The following TTC28 variants were observed in gnomAD, a reference collection of about 807,000 sequenced individuals.
TTC28 encodes tetratricopeptide repeat protein 28.
In TTC28, 61 loss-of-function variants were observed where a neutral mutation model predicts 198.0. The ratio of observed to expected loss-of-function variants is 0.31; its 90% CI spans 0.25 to 0.38. The LOEUF is 0.38. TTC28 is among the 10% of genes least tolerant of loss of function. The pLI is 1.00. For missense variants in TTC28, 2,678 were observed against 3,164.0 expected (o/e 0.85, Z 3.69); for synonymous variants, 1,171 against 1,297.8 (o/e 0.90, Z 2.10).
Position 27,981,229 on chromosome 22 carries a change from A to ATTT in TTC28, c.*991_*992insAAA, listed in dbSNP as rs1937001603. The stretch of plus-strand genomic sequence containing the variant: ...CTGGTTAAATCTAGTTAGCCATGGA[A>ATTT]ATTTTTTTTTTTTTTTTTTTTTTTT... On this transcript the variant is annotated 3_prime_UTR_variant, in exon 23 of 23. Transcript: ENST00000397906. The ATTT allele has an allele frequency of 6.5e-4, 47 of 72,730 alleles. 3 individuals carry two copies. The highest frequency in any genetic ancestry group is 1.5e-3 in the African/African-American group (31 of 20,464). 4.5% of individuals were successfully genotyped at this position (72,730 alleles called of 1,614,324 possible). A position where few individuals can be genotyped will look rare whatever the true frequency, so the allele number is the denominator to read the frequency against.
At chr22:28,477,469 G>T (rs1479930772) in intron 2 of TTC28, among the ~76,000 whole-genome samples, 1 of 152,030 alleles carries the variant, frequency 6.6e-6, no homozygotes, top group Admixed American at 6.5e-5. Context: ...CTCAATGTTT[G>T]TTAGAAATGT....
chr22:28,304,202 G>T (rs775100797), intron 3 of TTC28, among the ~76,000 whole-genome samples: 203 of 151,936 alleles, frequency 1.3e-3, no homozygotes, highest in Middle Eastern at 3.4e-3. Flanking sequence ...GGAGAATGGC[G>T]TGAACCCGGG....
intron 2 of TTC28, among the ~76,000 whole-genome samples, chr22:28,481,912 GCT>G (rs1274963924): frequency 2.0e-5 from 3 of 152,278 alleles, no homozygotes; most frequent in Non-Finnish European, 4.4e-5. Flanking sequence ...GGTAAAATGA[GCT>G]CTGTCATACA....
At chr22:28,386,847 G>A (rs1408743557) in intron 2 of TTC28, among the ~76,000 whole-genome samples, 1 of 151,146 alleles carries the variant, frequency 6.6e-6, no homozygotes, top group Non-Finnish European at 1.5e-5. Flanking sequence ...TTTGTTTTAA[G>A]TTATTATTAT....
chr22:28,359,642 T>C lies in TTC28; in HGVS notation c.382-52999A>G, dbSNP rs78485278. ...AACAAGTAGTAAGTATATGGATATA[T>C]ATCAAGAAACATAACCTGATTCATG... is the stretch of plus-strand genomic sequence containing the variant. On this transcript the variant is annotated intron_variant, in intron 2 of 22. Coordinates refer to ENST00000397906, the MANE Select transcript of TTC28 (RefSeq NM_001145418.2). 2.1e-3 allele frequency among the ~76,000 whole-genome samples: 314 copies of C among 152,310 alleles called. 2 individuals are homozygous for C. Among genetic ancestry groups the C allele is most frequent in the African/African-American group, 7.1e-3 (297 of 41,578 alleles).
chr22:28,357,582 A>T lies in TTC28; in HGVS notation c.382-50939T>A, dbSNP rs111785382. Among the ~76,000 whole-genome samples the T allele has an allele frequency of 1.2e-3, 190 of 152,266 alleles. 3 individuals carry two copies. Among genetic ancestry groups the T allele is most frequent in the African/African-American group, 4.2e-3 (174 of 41,564 alleles). On this transcript the variant is annotated intron_variant, in intron 2 of 22. Coordinates refer to ENST00000397906, the MANE Select transcript of TTC28 (RefSeq NM_001145418.2). ...CACCTTGGCCTCCCAAAGTGCTAGG[A>T]TTACAGGCATGAGCCACCAAGCCCA...
chr22:28,312,278 A>G (rs2045274972), intron 2 of TTC28, among the ~76,000 whole-genome samples: 2 of 152,198 alleles, frequency 1.3e-5, no homozygotes, highest in Admixed American at 1.3e-4. Context: ...AGACTTTAAC[A>G]CCCCACTGTC....
At chr22:28,244,497 A>G (rs1421033552) in intron 5 of TTC28, among the ~76,000 whole-genome samples, 1 of 152,208 alleles carries the variant, frequency 6.6e-6, no homozygotes, top group South Asian at 2.1e-4. Context: ...TCAAGAAAAC[A>G]CACTGCTATA....
chr22:28,283,184 T>C (rs1242683585), intron 5 of TTC28, among the ~76,000 whole-genome samples: 1 of 152,148 alleles, frequency 6.6e-6, no homozygotes, highest in African/African-American at 2.4e-5. Context: ...CCCAGAAAAG[T>C]TGCCAAGCCT....
intron 3 of TTC28, among the ~76,000 whole-genome samples, chr22:28,304,099 C>G (rs1054667631): frequency 2.0e-4 from 31 of 152,040 alleles, no homozygotes; most frequent in Non-Finnish European, 4.6e-4. Flanking sequence ...TCCTGGCTAA[C>G]ACGATGAAAC....
chr22:27,989,185 T>TA (rs1441509145), intron 21 of TTC28, among the ~76,000 whole-genome samples: 2 of 152,008 alleles, frequency 1.3e-5, no homozygotes, highest in African/African-American at 4.8e-5. Context: ...TTACAAATGG[T>TA]AAAAAAGGGA....
intron 2 of TTC28, among the ~76,000 whole-genome samples, chr22:28,583,984 GTTTTT>G (rs138610593): frequency 7.6e-6 from 1 of 131,740 alleles, no homozygotes; most frequent in African/African-American, 2.8e-5. Flanking sequence ...CTCTTTCTCC[GTTTTT>G]TTTTTGTTTT....
At chr22:28,540,463 T>C (rs1030708466) in intron 2 of TTC28, among the ~76,000 whole-genome samples, 3 of 152,184 alleles carry the variant, frequency 2.0e-5, no homozygotes, top group Non-Finnish European at 2.9e-5. Flanking sequence ...AAGTTGTTTC[T>C]AAATGAGGTC....
Position 27,983,064 on chromosome 22 carries a change from G to C in TTC28, c.6603C>G (p.Ser2201Arg). ...NNPEDGVQAP[S>R]STAVFRASET... is the part of the protein sequence containing the mutation. ...CTGACGCTCTGAAGACAGCAGTGCT[G>C]CTGGGCGCCTGAACGCCGTCTTCAG... Residue 2201 changes from serine (S) to arginine (R), a missense_variant, in exon 23 of 23, where the codon AGC (serine) becomes AGG (arginine). Ser to Arg is a moderately radical substitution (Grantham distance 110). Transcript: ENST00000397906. The C allele has an allele frequency of 1.3e-6, 2 of 1,551,758 alleles. No individual in the cohort carries two copies. Among genetic ancestry groups the C allele is most frequent in the Admixed American group, 2.0e-5 (1 of 51,006 alleles).
chr22:28,043,489 C>A (rs1294083015), intron 12 of TTC28, among the ~76,000 whole-genome samples: 1 of 151,978 alleles, frequency 6.6e-6, no homozygotes, highest in Non-Finnish European at 1.5e-5. Context: ...GCTATTTTCC[C>A]ACTCTGGGAT....
intron 5 of TTC28, among the ~76,000 whole-genome samples, chr22:28,270,758 A>T (rs1027211395): frequency 6.6e-6 from 1 of 152,184 alleles, no homozygotes; most frequent in Non-Finnish European, 1.5e-5. Context: ...TGTCAGCCAG[A>T]GCCAGTGGCA....
chr22:28,112,672 G>A (rs1942518880), intron 6 of TTC28, among the ~76,000 whole-genome samples: 1 of 152,166 alleles, frequency 6.6e-6, no homozygotes, highest in South Asian at 2.1e-4. Context: ...CGGCCCCAGA[G>A]CTGCCAGCAG....
rs889413515 is a variant in TTC28 at position 28,038,346 on chromosome 22, G to A, written c.3933-7980C>T. ...ATATAGACCAATGGAACAGAACAGA[G>A]CCCTCAGAAATAATGCTACACATCT... is the stretch of plus-strand genomic sequence containing the variant. On this transcript the variant is annotated intron_variant, in intron 12 of 22. Coordinates refer to ENST00000397906, the MANE Select transcript of TTC28 (RefSeq NM_001145418.2). Among the ~76,000 whole-genome samples the A allele has an allele frequency of 1.2e-4, 19 of 152,130 alleles. 1 individual carries two copies. Among genetic ancestry groups the A allele is most frequent in the Admixed American group, 1.1e-3 (17 of 15,254 alleles).
intron 2 of TTC28, among the ~76,000 whole-genome samples, chr22:28,629,061 T>C (rs541578163): frequency 3.1e-4 from 47 of 152,140 alleles, no homozygotes; most frequent in Non-Finnish European, 5.3e-4. Context: ...AAAACAAAGA[T>C]AGTAACTTAA....
Sources: gnomAD v4.1 joint callset for allele counts (sites outside exome capture counted in the v4.1 genomes callset) on GRCh38, gnomAD v4.1.1 for gene constraint, MANE v1.5 for transcripts, NCBI Gene and HGNC (gene_info 2026-07-23, HGNC 2026-07-21) for gene names.